Variants in CNNM2 observed in about 807,000 individuals in gnomAD.
CNNM2 encodes metal transporter CNNM2.
CNNM2 carries 12 observed loss-of-function variants against 66.9 expected under a neutral mutation model. The ratio of observed to expected loss-of-function variants is 0.18; its 90% CI spans 0.11 to 0.29. The LOEUF (loss-of-function observed/expected upper bound fraction) is 0.29. Among genes scored for constraint, CNNM2 ranks in the 10% least tolerant of loss-of-function variants. CNNM2 has a pLI of 1.00. For missense variants in CNNM2, 705 were observed against 1,167.7 expected, an observed-to-expected ratio of 0.60 and a Z score of 5.77; for synonymous variants, 557 against 501.8, an observed-to-expected ratio of 1.11 and a Z score of -1.47.
Position 103,089,444 on chromosome 10 carries a change from T to C in CNNM2, c.*12264T>C, listed in dbSNP as rs142146777. The stretch of plus-strand genomic sequence containing the variant: ...GCAGTTCAGCCTGATTTTACCCTTA[T>C]TTTCTTCTAATACAGACTCCATTAC... On this transcript the variant is annotated 3_prime_UTR_variant, in exon 8 of 8. Transcript: ENST00000369878. The C allele has an allele frequency of 3.4e-6, 2 of 591,414 alleles. No individual in the cohort carries two copies. The highest frequency in any genetic ancestry group is 7.0e-5 in the East Asian group (2 of 28,480). 36.6% of individuals were successfully genotyped at this position (591,414 alleles called of 1,614,324 possible). A position where few individuals can be genotyped will look rare whatever the true frequency, so the allele number is the denominator to read the frequency against.
chr10:103,032,325 T>TC (rs2064842057), intron 1 of CNNM2, among the ~76,000 whole-genome samples: 1 of 151,840 alleles, frequency 6.6e-6, no homozygotes, highest in Admixed American at 6.6e-5. Context: ...ATGGTGCACA[T>TC]CTGTAATTCC....
intron 1 of CNNM2, chr10:102,927,501 T>G (rs1455126562): frequency 2.6e-6 from 4 of 1,561,032 alleles, no homozygotes; most frequent in Admixed American, 3.7e-5. Context: ...GGCTCATGCC[T>G]GTAATCCCGG....
At chr10:103,005,822 A>G (rs2064215520) in intron 1 of CNNM2, among the ~76,000 whole-genome samples, 1 of 151,826 alleles carries the variant, frequency 6.6e-6, no homozygotes, top group Non-Finnish European at 1.5e-5. Context: ...TTGATCTCCT[A>G]GTCTCCAACA....
intron 1 of CNNM2, among the ~76,000 whole-genome samples, chr10:102,958,415 A>G (rs1350973038): frequency 1.3e-5 from 2 of 150,572 alleles, no homozygotes; most frequent in Non-Finnish European, 2.9e-5. Flanking sequence ...TTTCCAATAT[A>G]AACTGTTGAG....
At chr10:102,939,611 C>T (rs1407213510) in intron 1 of CNNM2, among the ~76,000 whole-genome samples, 1 of 152,146 alleles carries the variant, frequency 6.6e-6, no homozygotes, top group Non-Finnish European at 1.5e-5. Flanking sequence ...TGTCTCCTTC[C>T]ATGTTCTTTT....
At chr10:103,040,848 C>T (rs1298742956) in intron 1 of CNNM2, among the ~76,000 whole-genome samples, 5 of 152,176 alleles carry the variant, frequency 3.3e-5, no homozygotes, top group Non-Finnish European at 2.9e-5. Flanking sequence ...GTTTGTATAT[C>T]GTACAGCATT....
intron 2 of CNNM2, among the ~76,000 whole-genome samples, chr10:103,053,988 G>A (rs1021859085): frequency 1.3e-5 from 2 of 152,130 alleles, no homozygotes; most frequent in African/African-American, 2.4e-5. Context: ...CAGGCTGCGC[G>A]CCCTGTTGCT....
At chr10:102,981,211 G>A (rs2063714299) in intron 1 of CNNM2, among the ~76,000 whole-genome samples, 1 of 152,024 alleles carries the variant, frequency 6.6e-6, no homozygotes, top group Non-Finnish European at 1.5e-5. Flanking sequence ...TTAGCCAGGT[G>A]TGATGGCGTG....
intron 1 of CNNM2, among the ~76,000 whole-genome samples, chr10:102,999,143 T>C (rs1228205987): frequency 6.6e-6 from 1 of 151,494 alleles, no homozygotes; most frequent in African/African-American, 2.4e-5. Flanking sequence ...CGATCTTGGC[T>C]CACTGCAAGC....
Position 103,080,812 on chromosome 10 carries a change from A to ATT in CNNM2, c.*3634_*3635dup, listed in dbSNP as rs1358515246. ...TTCCCTAGGAAATAGAGCAATAGGA[A>ATT]TTTGAGCTAAGCAGGTACCATGAAC... is the stretch of plus-strand genomic sequence containing the variant. On this transcript the variant is annotated 3_prime_UTR_variant, in exon 8 of 8. Transcript: ENST00000369878. 1 of 152,262 alleles carries ATT rather than the reference A, an allele frequency of 6.6e-6. No individual in the cohort carries two copies. Among genetic ancestry groups the ATT allele is most frequent in the African/African-American group, 2.4e-5 (1 of 41,468 alleles). 9.4% of individuals were successfully genotyped at this position (152,262 alleles called of 1,614,324 possible).
chr10:103,016,872 G>T (rs370631832), intron 1 of CNNM2, among the ~76,000 whole-genome samples: 14 of 151,898 alleles, frequency 9.2e-5, no homozygotes, highest in African/African-American at 3.1e-4. Flanking sequence ...TTCCTGCCCT[G>T]TTGTTTGTTT....
chr10:103,002,479 C>CTTTT lies in CNNM2; in HGVS notation c.1622-47214_1622-47211dup, dbSNP rs34131768. Among the ~76,000 whole-genome samples the CTTTT allele has an allele frequency of 6.2e-3, 839 of 136,236 alleles. 17 individuals are homozygous for CTTTT. Among genetic ancestry groups the CTTTT allele is most frequent in the Non-Finnish European group, 5.8e-3 (370 of 63,668 alleles). The allele number at this position is 136,236 out of a possible 152,430, so 89.4% of individuals were successfully genotyped here. A position where few individuals can be genotyped will look rare whatever the true frequency, so the allele number is the denominator to read the frequency against. On this transcript the variant is annotated intron_variant, in intron 1 of 7. Transcript: ENST00000369878. Reference sequence around the variant, plus strand: ...AGGATGTGGCTGACAAGACTGGAATCTTTTTTTTTTTTTTTTTGAGACAGA... The same window carrying CTTTT: ...AGGATGTGGCTGACAAGACTGGAATCTTTTTTTTTTTTTTTTTTTTTGAGACAGA...
intron 4 of CNNM2, among the ~76,000 whole-genome samples, chr10:103,060,673 ACT>A (rs951537177): frequency 2.6e-5 from 4 of 152,212 alleles, no homozygotes; most frequent in African/African-American, 7.2e-5. Context: ...TGTATAATGT[ACT>A]CTCTTTTTTG....
At chr10:103,047,311 C>T (rs562345690) in intron 1 of CNNM2, among the ~76,000 whole-genome samples, 1 of 152,178 alleles carries the variant, frequency 6.6e-6, no homozygotes, top group Non-Finnish European at 1.5e-5. Flanking sequence ...GGGGGACATT[C>T]TGCAGGAGGC....
At position 103,078,386 on chromosome 10, in the gene CNNM2, G is replaced by C. The variant is rs535387019; in HGVS notation, c.*1206G>C. ...CCGGCAGTGGCTGTGTCCCCTGCCT[G>C]AGGGCTCTGTGCCTCCTGCCTCAGA... On this transcript the variant is annotated 3_prime_UTR_variant, in exon 8 of 8. Coordinates refer to ENST00000369878, the MANE Select transcript of CNNM2 (RefSeq NM_017649.5). 6 of 152,310 alleles carry C rather than the reference G, an allele frequency of 3.9e-5. No individual in the cohort carries two copies. The highest frequency in any genetic ancestry group is 1.2e-4 in the African/African-American group (5 of 41,582). The allele number at this position is 152,310 out of a possible 1,614,324, so 9.4% of individuals were successfully genotyped here.
At chr10:102,954,800 T>G (rs1425258287) in intron 1 of CNNM2, among the ~76,000 whole-genome samples, 1 of 152,182 alleles carries the variant, frequency 6.6e-6, no homozygotes, top group Non-Finnish European at 1.5e-5. Context: ...GGGGACTTCA[T>G]TTTTTGAGAA....
At chr10:103,029,149 T>C (rs942521565) in intron 1 of CNNM2, among the ~76,000 whole-genome samples, 4 of 151,910 alleles carry the variant, frequency 2.6e-5, no homozygotes, top group African/African-American at 9.7e-5. Flanking sequence ...AAGATTAATT[T>C]GAGCTATTTA....
chr10:103,060,299 C>T (rs1481907424), intron 4 of CNNM2, among the ~76,000 whole-genome samples: 7 of 151,980 alleles, frequency 4.6e-5, no homozygotes, highest in African/African-American at 1.7e-4. Context: ...TGGTGGCTCA[C>T]GCCTGTAATC....
chr10:103,036,419 G>T (rs937613179), intron 1 of CNNM2, among the ~76,000 whole-genome samples: 1 of 152,118 alleles, frequency 6.6e-6, no homozygotes, highest in African/African-American at 2.4e-5. Flanking sequence ...TCCCATTAGG[G>T]ACTTCATTTG....
Sources: gnomAD v4.1 joint callset for allele counts (sites outside exome capture counted in the v4.1 genomes callset) on GRCh38, gnomAD v4.1.1 for gene constraint, MANE v1.5 for transcripts, NCBI Gene and HGNC (gene_info 2026-07-23, HGNC 2026-07-21) for gene names.